Variants in POLL observed in about 807,000 individuals in gnomAD.
The protein encoded by POLL is DNA polymerase lambda.
A neutral mutation model predicts 58.1 loss-of-function variants in POLL; 44 were observed. The ratio of observed to expected loss-of-function variants is 0.76; its 90% CI spans 0.60 to 0.97. The LOEUF is 0.97. Ranked by LOEUF, POLL falls within the 50% of genes least tolerant of loss-of-function variation. The probability of loss-of-function intolerance (pLI) is 0.00; values close to 1 mark genes in which losing one functional copy is unlikely to be tolerated. For missense variants in POLL, 632 were observed against 736.8 expected (o/e 0.86, Z 1.65); for synonymous variants, 290 against 283.2 (o/e 1.02, Z -0.24).
Position 101,587,311 on chromosome 10 carries a change from T to C in POLL, c.50A>G (p.His17Arg). ...LKAFPKRQKIHADASSKVLAK... is the reference protein window; with the variant it reads ...LKAFPKRQKIRADASSKVLAK... ...AAGTACTTTTGATGATGCATCAGCA[T>C]GAATTTTCTGCCGCTTGGGAAATGC... Residue 17 changes from histidine (H) to arginine (R), a missense_variant, in exon 2 of 9, where the codon CAT becomes CGT. Physicochemically the swap from His to Arg is conservative, Grantham distance 29. Transcript: ENST00000370162. The C allele has an allele frequency of 6.2e-7, 1 of 1,614,188 alleles. No homozygotes were observed. Among genetic ancestry groups the C allele is most frequent in the Middle Eastern group, 1.7e-4 (1 of 6,060 alleles).
chr10:101,588,259 G>A, upstream of POLL: 2 of 1,560,374 alleles, frequency 1.3e-6, no homozygotes, highest in Non-Finnish European at 1.7e-6. Flanking sequence ...GGCCAGAATA[G>A]CTTCCGAGTC....
chr10:101,579,820 G>A lies in POLL; in HGVS notation c.1364-3C>T, dbSNP rs761033017. 1.2e-6 allele frequency: 2 copies of A among 1,610,318 alleles called. No individual in the cohort carries two copies. The highest frequency in any genetic ancestry group is 1.7e-6 in the Non-Finnish European group (2 of 1,178,134). ...CACCAAGTCATCTGTGAGGAACCCT[G>A]GCCCAACAGAGGGGACTGCTGGGAG... On this transcript the variant is annotated splice_region_variant and splice_polypyrimidine_tract_variant and intron_variant, in intron 8 of 8. Transcript: ENST00000370162. The surrounding 1 kb of genome is among the most constrained non-coding windows in gnomAD (Gnocchi z 4.4).
intron 2 of POLL, 92 bp downstream of exon 2, chr10:101,587,154 A>G (rs746049642): frequency 1.3e-5 from 21 of 1,610,586 alleles, no homozygotes; most frequent in East Asian, 2.2e-5. Flanking sequence ...GTCAGCTCCA[A>G]TATCTGATTC....
In POLL at chr10:101,588,013, C is replaced by G. The variant is rs748511112; in HGVS notation, c.-238G>C. On this transcript the variant is annotated 5_prime_UTR_variant, in exon 1 of 9. Coordinates refer to ENST00000370162, the MANE Select transcript of POLL (RefSeq NM_001174084.2). ...AGTCTCGCAGCTGCGGGTGAAGTCC[C>G]GGGCAGGTGCGGTGTACTCGCCGTG... The G allele has an allele frequency of 7.4e-7, 1 of 1,355,218 alleles. No homozygotes were observed. Among genetic ancestry groups the G allele is most frequent in the Non-Finnish European group, 9.7e-7 (1 of 1,031,928 alleles). The allele number at this position is 1,355,218 out of a possible 1,614,324, so 83.9% of individuals were successfully genotyped here.
At chr10:101,587,559 G>C (rs1045467090) in intron 1 of POLL, 153 bp from the exon 2 acceptor site, 6 of 1,395,938 alleles carry the variant, frequency 4.3e-6, no homozygotes, top group Non-Finnish European at 5.7e-6. Flanking sequence ...CAGTGGTTTA[G>C]CCTAGCTTCA....
At chr10:101,581,630 T>C (rs1280529707) in intron 7 of POLL, 1 of 152,240 alleles carries the variant, frequency 6.6e-6, no homozygotes, top group Non-Finnish European at 1.5e-5. Context: ...GAACAAATGA[T>C]ACATCTAGCC....
At chr10:101,585,810 A>G (rs564242926) in intron 3 of POLL, 52 bp downstream of exon 3, 5 of 1,408,264 alleles carry the variant, frequency 3.6e-6, no homozygotes, top group African/African-American at 2.9e-5. Flanking sequence ...TCAAGAAAAG[A>G]GCTCAAGATG....
At chr10:101,583,241 C>G in intron 6 of POLL, 1 of 595,656 alleles carries the variant, frequency 1.7e-6, no homozygotes, top group Non-Finnish European at 3.0e-6. Flanking sequence ...CTGGCCTCCT[C>G]AGGAAGGCCC....
intron 4 of POLL, 67 bp from the exon 5 acceptor site, chr10:101,584,986 G>A: frequency 8.9e-7 from 1 of 1,120,294 alleles, no homozygotes; most frequent in Non-Finnish European, 1.2e-6. Flanking sequence ...CTTAAAGGTG[G>A]GGGTCATCTT....
rs867782786 is a variant in POLL, at chr10:101,588,072, C to A, written c.-297G>T. 21 of 1,468,396 alleles carry A rather than the reference C, an allele frequency of 1.4e-5. No homozygotes were observed. In the Middle Eastern group the frequency reaches 1.4e-3, roughly 99 times the overall value. 91.0% of individuals were successfully genotyped at this position (1,468,396 alleles called of 1,614,324 possible). ...TGGCGCAGGCCAGGGAATCCCAGCT[C>A]GGGGCTAGAAGAAAGCTGGAGTGCC... On this transcript the variant is annotated 5_prime_UTR_variant, in exon 1 of 9. Coordinates refer to ENST00000370162, the MANE Select transcript of POLL (RefSeq NM_001174084.2).
chr10:101,585,499 G>T, intron 3 of POLL, 21 bp from the exon 4 acceptor site: 1 of 1,501,788 alleles, frequency 6.7e-7, no homozygotes, highest in Non-Finnish European at 8.9e-7. Context: ...GGTGATGGGA[G>T]GTTAAGACAC....
chr10:101,579,223 G>T lies in POLL; in HGVS notation c.*230C>A, dbSNP rs961339910. On this transcript the variant is annotated 3_prime_UTR_variant, in exon 9 of 9. Coordinates refer to ENST00000370162, the MANE Select transcript of POLL (RefSeq NM_001174084.2). This position sits in a 1 kb window ranked among gnomAD's most constrained non-coding sequence, Gnocchi z 4.4. ...TCGAGGGGCAGTGGTGAGGTAGAAGGGGTGGCAGCCTGCTCCTGTCTGGGA... is the reference window on the plus strand; with the variant it reads ...TCGAGGGGCAGTGGTGAGGTAGAAGTGGTGGCAGCCTGCTCCTGTCTGGGA... 3.2e-5 allele frequency: 18 copies of T among 564,594 alleles called. No individual in the cohort carries two copies. The highest frequency in any genetic ancestry group is 2.6e-4 in the Admixed American group (8 of 30,342). 35.0% of individuals were successfully genotyped at this position (564,594 alleles called of 1,614,324 possible).
In POLL at chr10:101,580,550, G is replaced by T; in HGVS notation, c.1195-134C>A. 2.8e-6 allele frequency: 2 copies of T among 724,156 alleles called. No individual in the cohort carries two copies. Among genetic ancestry groups the T allele is most frequent in the East Asian group, 2.7e-5 (1 of 37,508 alleles). 44.9% of individuals were successfully genotyped at this position (724,156 alleles called of 1,614,324 possible). ...TTCCAGATGCCTGCTGCAAGCCCAG[G>T]GGAATCCACCCTGAGGAGCTGCTGT... On this transcript the variant is annotated intron_variant, in intron 7 of 8. Coordinates refer to ENST00000370162, the MANE Select transcript of POLL (RefSeq NM_001174084.2). The surrounding 1 kb of genome is among the most constrained non-coding windows in gnomAD (Gnocchi z 4.1).
In POLL at chr10:101,579,519, G is replaced by C. The variant is rs2062855534; in HGVS notation, c.1662C>G (p.Pro554=). 3 of 1,613,816 alleles carry C rather than the reference G, an allele frequency of 1.9e-6. No individual in the cohort carries two copies. The highest frequency in any genetic ancestry group is 2.5e-6 in the Non-Finnish European group (3 of 1,180,002). ...KVGPGRVLPT[P]TEKDVFRLLG... is the part of the protein sequence containing the mutation. ...AGAGCCTGAAGACATCCTTCTCAGT[G>C]GGAGTGGGCAGCACTCGGCCAGGCC... Residue 554 remains proline, a synonymous_variant, in exon 9 of 9, where the codon CCC becomes CCG. Coordinates refer to ENST00000370162, the MANE Select transcript of POLL (RefSeq NM_001174084.2). This position sits in a 1 kb window ranked among gnomAD's most constrained non-coding sequence, Gnocchi z 4.4.
Position 101,579,239 on chromosome 10 carries a change from C to T in POLL, c.*214G>A. On this transcript the variant is annotated 3_prime_UTR_variant, in exon 9 of 9. Coordinates refer to ENST00000370162, the MANE Select transcript of POLL (RefSeq NM_001174084.2). This position sits in a 1 kb window ranked among gnomAD's most constrained non-coding sequence, Gnocchi z 4.4. ...AGGTAGAAGGGGTGGCAGCCTGCTC[C>T]TGTCTGGGAGAGGGCTGGGCAGACA... 1.7e-6 allele frequency: 1 copy of T among 590,760 alleles called. No homozygotes were observed. The highest frequency in any genetic ancestry group is 2.9e-5 in the East Asian group (1 of 34,738). The allele number at this position is 590,760 out of a possible 1,614,324, so 36.6% of individuals were successfully genotyped here.
intron 7 of POLL, among the ~76,000 whole-genome samples, chr10:101,582,420 C>T (rs1277282482): frequency 6.6e-6 from 1 of 152,052 alleles, no homozygotes; most frequent in Non-Finnish European, 1.5e-5. Flanking sequence ...CTGCCCTGAC[C>T]CACCCTAACC....
Position 101,586,067 on chromosome 10 carries a change from C to A in POLL, c.205G>T (p.Gly69Cys). 1 of 1,614,098 alleles carries A rather than the reference C, an allele frequency of 6.2e-7. No homozygotes were observed. The highest frequency in any genetic ancestry group is 8.5e-7 in the Non-Finnish European group (1 of 1,180,034). ...CCCTGGGCAGGGCATAGCTGGCCGC[C>A]ATGCTGAACAATCTGCTTCTCAAAG... ...ELFEKQIVQH[G>C]GQLCPAQGPG... is the part of the protein sequence containing the mutation. The change falls in exon 3 of 9, where the codon GGC becomes TGC. Residue 69 changes from glycine (G) to cysteine (C), a missense_variant. Transcript: ENST00000370162.
At position 101,579,370 on chromosome 10, in the gene POLL, C is replaced by A; in HGVS notation, c.*83G>T. The A allele has an allele frequency of 4.0e-6, 6 of 1,484,120 alleles. No individual in the cohort carries two copies. The highest frequency in any genetic ancestry group is 4.5e-6 in the Non-Finnish European group (5 of 1,113,550). 91.9% of individuals were successfully genotyped at this position (1,484,120 alleles called of 1,614,324 possible). A position where few individuals can be genotyped will look rare whatever the true frequency, so the allele number is the denominator to read the frequency against. ...TGGTGGTTGGAGCGGCGAGGTTCAG[C>A]CAGCTGAGGCTGGAGGGAGTACTGG... On this transcript the variant is annotated 3_prime_UTR_variant, in exon 9 of 9. Transcript: ENST00000370162. The surrounding 1 kb of genome is among the most constrained non-coding windows in gnomAD (Gnocchi z 4.4).
chr10:101,587,705 G>T, intron 1 of POLL, 117 bp downstream of exon 1: 1 of 1,083,334 alleles, frequency 9.2e-7, no homozygotes, highest in African/African-American at 1.6e-5. Context: ...CAGCCCTGCT[G>T]CGGCCCACTT....
Sources: allele counts gnomAD v4.1 joint callset (sites outside exome capture counted in the v4.1 genomes callset), GRCh38; gene constraint gnomAD v4.1.1; non-coding constraint Gnocchi (gnomAD v3.1); transcripts MANE v1.5; gene names NCBI Gene and HGNC (gene_info 2026-07-23, HGNC 2026-07-21).